RIN2: variants seen among roughly 807,000 people sequenced by gnomAD.
RIN2 encodes Ras and Rab interactor 2.
In RIN2, 36 loss-of-function variants were observed where a neutral mutation model predicts 78.0. The ratio of observed to expected loss-of-function variants is 0.46; its 90% CI spans 0.35 to 0.61. The LOEUF (loss-of-function observed/expected upper bound fraction) is 0.61. RIN2 is among the 20% of genes least tolerant of loss of function. The pLI is 0.00. For missense variants in RIN2, 1,087 were observed against 1,159.7 expected, an observed-to-expected ratio of 0.94 and a Z score of 0.91; for synonymous variants, 466 against 466.8, an observed-to-expected ratio of 1.00 and a Z score of 0.02.
chr20:19,873,401 C>T (rs915557801), intron 2 of RIN2, among the ~76,000 whole-genome samples: 3 of 152,196 alleles, frequency 2.0e-5, no homozygotes, highest in Non-Finnish European at 1.5e-5. Flanking sequence ...GCTGGAATTA[C>T]AGGTGTGCAC....
chr20:19,933,650 G>A (rs148586933), intron 3 of RIN2, among the ~76,000 whole-genome samples: 12 of 152,124 alleles, frequency 7.9e-5, no homozygotes, highest in African/African-American at 2.9e-4. Flanking sequence ...GAATAGATGG[G>A]GTCACATTTT....
chr20:19,845,700 T>C, intron 2 of RIN2, among the ~76,000 whole-genome samples: 1 of 152,188 alleles, frequency 6.6e-6, no homozygotes, highest in African/African-American at 2.4e-5. Context: ...TGATGATAGT[T>C]TCTTTTGCTG....
chr20:19,765,973 G>A (rs780318393), intron 1 of RIN2, among the ~76,000 whole-genome samples: 34 of 152,102 alleles, frequency 2.2e-4, no homozygotes, highest in Non-Finnish European at 4.1e-4. Context: ...GCACAGATGG[G>A]GAGAATGGTC....
intron 3 of RIN2, among the ~76,000 whole-genome samples, chr20:19,893,769 G>A (rs1233516811): frequency 6.6e-6 from 1 of 152,096 alleles, no homozygotes; most frequent in African/African-American, 2.4e-5. Flanking sequence ...GTATCTTCCT[G>A]CTCCACAAAA....
intron 6 of RIN2, among the ~76,000 whole-genome samples, chr20:19,964,163 T>C (rs680364): frequency 0.054 from 7,985 of 149,218 alleles, 716 homozygotes; most frequent in African/African-American, 0.18. Context: ...CATGGCCGGC[T>C]CAGAACATGT....
intron 3 of RIN2, among the ~76,000 whole-genome samples, chr20:19,928,430 G>A (rs868089918): frequency 6.6e-6 from 1 of 152,170 alleles, no homozygotes; most frequent in African/African-American, 2.4e-5. Context: ...AGAGCTTCAG[G>A]CCACACCGCC....
chr20:19,938,471 C>A (rs2040736898), intron 4 of RIN2, among the ~76,000 whole-genome samples: 1 of 152,054 alleles, frequency 6.6e-6, no homozygotes, highest in African/African-American at 2.4e-5. Flanking sequence ...GGGATCCTCC[C>A]ACCTCAGCCT....
At chr20:19,762,861 T>C (rs978266876) in intron 1 of RIN2, among the ~76,000 whole-genome samples, 2 of 151,800 alleles carry the variant, frequency 1.3e-5, no homozygotes, top group African/African-American at 2.4e-5. Context: ...CCTCCCGGAG[T>C]CAAGCGATTC....
chr20:19,806,764 G>C (rs891310017), intron 2 of RIN2, among the ~76,000 whole-genome samples: 1 of 152,156 alleles, frequency 6.6e-6, no homozygotes, highest in African/African-American at 2.4e-5. Context: ...CAGGCATGGT[G>C]GTGTGCATCT....
intron 2 of RIN2, among the ~76,000 whole-genome samples, chr20:19,847,019 A>G (rs751909733): frequency 2.6e-5 from 4 of 152,296 alleles, no homozygotes; most frequent in Non-Finnish European, 5.9e-5. Context: ...TTAATTTTTG[A>G]ACATTAGCAA....
At chr20:19,802,301 T>C (rs1327145687) in intron 2 of RIN2, among the ~76,000 whole-genome samples, 1 of 152,182 alleles carries the variant, frequency 6.6e-6, no homozygotes, top group East Asian at 1.9e-4. Context: ...CACCCCGTGC[T>C]TAGGTGACCT....
intron 2 of RIN2, among the ~76,000 whole-genome samples, chr20:19,861,460 A>C (rs2037330606): frequency 6.6e-6 from 1 of 152,128 alleles, no homozygotes; most frequent in South Asian, 2.1e-4. Flanking sequence ...TTAACAAAGA[A>C]CCCTGCTAAG....
At position 19,990,359 on chromosome 20, in the gene RIN2, G is replaced by A. The variant is rs79094366; in HGVS notation, c.2068+48G>A. On this transcript the variant is annotated intron_variant, in intron 10 of 12. Coordinates refer to ENST00000255006, the MANE Select transcript of RIN2 (RefSeq NM_018993.4). ...CTTCGTGCCGCTTCCCTTCCGGGCCGGGGACAGGCCTCTCTCCTGTCAGGC... is the reference window on the plus strand; with the variant it reads ...CTTCGTGCCGCTTCCCTTCCGGGCCAGGGACAGGCCTCTCTCCTGTCAGGC... The A allele has an allele frequency of 1.3e-3, 2,031 of 1,544,920 alleles. 14 individuals are homozygous for A. The African/African-American group carries it at 0.017, about 13-fold the overall frequency.
rs900213180 is a variant in RIN2, at chr20:20,001,185, G to T, written c.*249G>T. On this transcript the variant is annotated 3_prime_UTR_variant, in exon 13 of 13. Transcript: ENST00000255006. The stretch of plus-strand genomic sequence containing the variant: ...CTGATGGTTCAAGTGTCCTGAGATT[G>T]TTTGCTACCTACCCCCAGTCAGGTT... The T allele has an allele frequency of 1.9e-5, 9 of 482,808 alleles. No homozygotes were observed. Among genetic ancestry groups the T allele is most frequent in the Non-Finnish European group, 3.0e-5 (8 of 268,794 alleles). The allele number at this position is 482,808 out of a possible 1,614,324, so 29.9% of individuals were successfully genotyped here.
chr20:19,830,478 C>T (rs2036219576), intron 2 of RIN2, among the ~76,000 whole-genome samples: 1 of 152,196 alleles, frequency 6.6e-6, no homozygotes, highest in African/African-American at 2.4e-5. Flanking sequence ...TGACCATCAG[C>T]CACAAGCCTC....
chr20:19,861,752 T>A (rs2037347822), intron 2 of RIN2, among the ~76,000 whole-genome samples: 1 of 151,706 alleles, frequency 6.6e-6, no homozygotes, highest in Non-Finnish European at 1.5e-5. Flanking sequence ...TATCCGATGA[T>A]CACCCTCCAT....
Position 19,974,848 on chromosome 20 carries a change from C to G in RIN2, c.823C>G (p.Leu275Val). 1 of 1,613,998 alleles carries G rather than the reference C, an allele frequency of 6.2e-7. No homozygotes were observed. Among genetic ancestry groups the G allele is most frequent in the Non-Finnish European group, 8.5e-7 (1 of 1,179,900 alleles). The change falls in exon 9 of 13, where the codon CTT (leucine) becomes GTT (valine). Residue 275 changes from leucine to valine, a missense_variant. Physicochemically the swap from Leu to Val is conservative, Grantham distance 32. Transcript: ENST00000255006. ...CGGGGCCCTGTGCTTTATTAATCCCCTTTTCTTGAAAGTGCACAGCCAGGA... is the reference window on the plus strand; with the variant it reads ...CGGGGCCCTGTGCTTTATTAATCCCGTTTTCTTGAAAGTGCACAGCCAGGA... ...TNGALCFINP[L>V]FLKVHSQDLS...
intron 3 of RIN2, among the ~76,000 whole-genome samples, chr20:19,912,983 G>C (rs985368637): frequency 8.5e-5 from 13 of 152,220 alleles, no homozygotes; most frequent in African/African-American, 3.1e-4. Context: ...TGGGTCCAGA[G>C]AAAGTGCTGC....
intron 2 of RIN2, among the ~76,000 whole-genome samples, chr20:19,873,975 T>G (rs930825371): frequency 6.6e-6 from 1 of 152,196 alleles, no homozygotes; most frequent in African/African-American, 2.4e-5. Flanking sequence ...TGAGGATGAA[T>G]GAAGCTCTAC....
Sources: gnomAD v4.1 joint callset for allele counts (sites outside exome capture counted in the v4.1 genomes callset) on GRCh38, gnomAD v4.1.1 for gene constraint, MANE v1.5 for transcripts, NCBI Gene and HGNC (gene_info 2026-07-23, HGNC 2026-07-21) for gene names.